CENPU: variants seen among roughly 807,000 people sequenced by gnomAD.
CENPU encodes the protein centromere protein U, also known as KSHV latent nuclear antigen interacting protein 1.
CENPU carries 46 observed loss-of-function variants against 56.7 expected under a neutral mutation model. The observed-to-expected ratio is 0.81, with a 90% CI of 0.64 to 1.04. The LOEUF (loss-of-function observed/expected upper bound fraction) is 1.04, where lower values mean the gene tolerates loss of function less well. Among genes scored for constraint, CENPU ranks in the 50% least tolerant of loss-of-function variants. The pLI, the probability that CENPU is intolerant of heterozygous loss-of-function variation, is 0.00. For missense variants in CENPU, 510 were observed against 490.1 expected, an observed-to-expected ratio of 1.04 and a Z score of -0.38; for synonymous variants, 166 against 163.0, an observed-to-expected ratio of 1.02 and a Z score of -0.14.
At chr4:184,699,473 C>T (rs1760457421) in intron 11 of CENPU, 1 of 837,328 alleles carries the variant, frequency 1.2e-6, no homozygotes, top group Non-Finnish European at 1.7e-6. Flanking sequence ...GCATAGGAAG[C>T]GTTTAGGAAA....
rs765233661 is a variant in CENPU at position 184,712,985 on chromosome 4, T to C, written c.647A>G (p.His216Arg). ...ACTTCTTGATTTCTTCCTTTTGTCA[T>C]GAGATATCTTCCCTTTTTTCTGAGT... ...SKTQKKGKIS[H>R]DKRKKSRSKA... Residue 216 changes from histidine (H) to arginine (R), a missense_variant, in exon 7 of 13, where the codon CAT becomes CGT. Transcript: ENST00000281453. The C allele has an allele frequency of 1.9e-6, 3 of 1,591,620 alleles. No individual in the cohort carries two copies. The South Asian group carries it at 3.4e-5, about 18-fold the overall frequency.
chr4:184,708,017 G>A (rs1319854284), intron 8 of CENPU, among the ~76,000 whole-genome samples: 2 of 152,088 alleles, frequency 1.3e-5, no homozygotes, highest in East Asian at 3.9e-4. Flanking sequence ...GAGATCAGGA[G>A]TTTGAGAGCA....
chr4:184,729,910 T>C (rs1761579828), intron 2 of CENPU, among the ~76,000 whole-genome samples: 1 of 152,114 alleles, frequency 6.6e-6, no homozygotes, highest in South Asian at 2.1e-4. Flanking sequence ...GATACAAAAA[T>C]AAGAAAATTC....
chr4:184,702,440 G>A lies in CENPU; in HGVS notation c.799C>T (p.Gln267Ter). 1 of 1,602,276 alleles carries A rather than the reference G, an allele frequency of 6.2e-7. No individual in the cohort carries two copies. Among genetic ancestry groups the A allele is most frequent in the Non-Finnish European group, 8.5e-7 (1 of 1,175,956 alleles). Residue 267 changes from glutamine (Q) to a stop codon, truncating the protein, a stop_gained and splice_region_variant, in exon 9 of 13, where the codon CAA becomes TAA. Transcript: ENST00000281453. LOFTEE classifies it high-confidence loss of function. ...TTACAAACTTTAGATTCTATTCTTTGTCTGTAGAGGAATTAAAAAAAAGTC... is the reference window on the plus strand; with the variant it reads ...TTACAAACTTTAGATTCTATTCTTTATCTGTAGAGGAATTAAAAAAAAGTC... ...EFEKTHLEHQ[Q>*]RIESKVCKAA...
intron 11 of CENPU, chr4:184,698,206 A>G (rs10022840): frequency 0.063 from 9,832 of 155,288 alleles, 1,011 homozygotes; most frequent in African/African-American, 0.22. Flanking sequence ...CTCTTATCAA[A>G]TCTTGTCCAC....
In CENPU at chr4:184,697,413, G is replaced by GA. The variant is rs754746566; in HGVS notation, c.1143+233dup. ...CTTGATGAAATTCAGCTGTCCGAGT[G>GA]AAAATACCTTACACAATCAGCAATT... On this transcript the variant is annotated intron_variant, in intron 12 of 12. Transcript: ENST00000281453. Among the ~76,000 whole-genome samples the GA allele has an allele frequency of 2.0e-4, 30 of 148,292 alleles. 1 individual carries two copies. The highest frequency in any genetic ancestry group is 6.4e-4 in the South Asian group (3 of 4,706).
Position 184,694,576 on chromosome 4 carries a change from A to T in CENPU, c.*712T>A. 1 of 1,614,148 alleles carries T rather than the reference A, an allele frequency of 6.2e-7. No individual in the cohort carries two copies. Among genetic ancestry groups the T allele is most frequent in the East Asian group, 2.2e-5 (1 of 44,886 alleles). On this transcript the variant is annotated 3_prime_UTR_variant, in exon 13 of 13. Transcript: ENST00000281453. ...TGAAACTAGGAGCAATGAAACCCAG[A>T]ATCCTCATAAACCATCACCTAGCAG...
At position 184,697,726 on chromosome 4, in the gene CENPU, G is replaced by A; in HGVS notation, c.1064C>T (p.Ala355Val). 1 of 1,611,392 alleles carries A rather than the reference G, an allele frequency of 6.2e-7. No individual in the cohort carries two copies. The highest frequency in any genetic ancestry group is 8.5e-7 in the Non-Finnish European group (1 of 1,177,896). Residue 355 changes from alanine (A) to valine (V), a missense_variant, in exon 12 of 13, where the codon GCA (alanine) becomes GTA (valine). Transcript: ENST00000281453. ...CTGTTTTAAATTAGATAAGAAATAT[G>A]CTGCATTCCTAAGGGAAGACTTTCT... ...KERKSSLRNA[A>V]YFLSNLKQLY...
intron 6 of CENPU, among the ~76,000 whole-genome samples, chr4:184,715,050 A>C (rs955672637): frequency 6.6e-6 from 1 of 152,206 alleles, no homozygotes; most frequent in Non-Finnish European, 1.5e-5. Flanking sequence ...GTGTAAAGAC[A>C]GGAAATAAAA....
At chr4:184,727,316 T>C (rs1408017677) in intron 3 of CENPU, among the ~76,000 whole-genome samples, 1 of 152,078 alleles carries the variant, frequency 6.6e-6, no homozygotes, top group Non-Finnish European at 1.5e-5. Flanking sequence ...GGTGGAGCAT[T>C]TCAGTTAGGA....
chr4:184,706,063 A>C (rs1046888743), intron 8 of CENPU, among the ~76,000 whole-genome samples: 3 of 152,220 alleles, frequency 2.0e-5, no homozygotes, highest in African/African-American at 7.2e-5. Context: ...ACTTAACACT[A>C]TTGACCTGTG....
At chr4:184,731,076 ACCCATATTCCAC>A in intron 1 of CENPU, 108 bp from the exon 2 acceptor site, 22 of 784,426 alleles carry the variant, frequency 2.8e-5, no homozygotes, top group Non-Finnish European at 4.4e-5. Flanking sequence ...AAAAACAAGA[ACCCATATTCCAC>A]AAATTTATTT....
At chr4:184,700,024 A>T (rs1216539615) in intron 11 of CENPU, among the ~76,000 whole-genome samples, 1 of 152,188 alleles carries the variant, frequency 6.6e-6, no homozygotes, top group Non-Finnish European at 1.5e-5. Flanking sequence ...CATTATGCAC[A>T]TTCTTTTCTG....
intron 7 of CENPU, among the ~76,000 whole-genome samples, chr4:184,712,565 T>C (rs1300726935): frequency 6.6e-6 from 1 of 152,204 alleles, no homozygotes; most frequent in East Asian, 1.9e-4. Context: ...TGAACTCCAG[T>C]TAATCATGTG....
chr4:184,726,818 G>A (rs532210529), intron 3 of CENPU, among the ~76,000 whole-genome samples: 39 of 152,268 alleles, frequency 2.6e-4, no homozygotes, highest in Non-Finnish European at 1.9e-4. Context: ...GCTGGGCGCA[G>A]TGGCTCACGT....
chr4:184,729,288 C>G (rs1475835326), intron 2 of CENPU, among the ~76,000 whole-genome samples: 2 of 152,168 alleles, frequency 1.3e-5, no homozygotes, highest in African/African-American at 4.8e-5. Context: ...CAAGCTAACA[C>G]TTTTTGGGGA....
chr4:184,731,077 C>T (rs974872041), intron 1 of CENPU, 109 bp from the exon 2 acceptor site: 2 of 749,948 alleles, frequency 2.7e-6, no homozygotes, highest in East Asian at 3.2e-5. Context: ...AAAACAAGAA[C>T]CCATATTCCA....
At chr4:184,699,474 G>T in intron 11 of CENPU, 1 of 885,886 alleles carries the variant, frequency 1.1e-6, no homozygotes. Context: ...CATAGGAAGC[G>T]TTTAGGAAAG....
In CENPU at chr4:184,694,419, G is replaced by A. The variant is rs1579737171; in HGVS notation, c.*869C>T. The A allele has an allele frequency of 3.1e-6, 4 of 1,293,994 alleles. No homozygotes were observed. In the East Asian group the frequency reaches 9.1e-5, roughly 30 times the overall value. 80.2% of individuals were successfully genotyped at this position (1,293,994 alleles called of 1,614,324 possible). A position where few individuals can be genotyped will look rare whatever the true frequency, so the allele number is the denominator to read the frequency against. On this transcript the variant is annotated 3_prime_UTR_variant, in exon 13 of 13. Transcript: ENST00000281453. Reference sequence around the variant, plus strand: ...CTCCTGCATATTCACTTTAGTATCTGTCACTTAATACCTTACTTCAACATA... The same window carrying A: ...CTCCTGCATATTCACTTTAGTATCTATCACTTAATACCTTACTTCAACATA...
Sources: gnomAD v4.1 joint callset for allele counts (sites outside exome capture counted in the v4.1 genomes callset) on GRCh38, gnomAD v4.1.1 for gene constraint, MANE v1.5 for transcripts, NCBI Gene and HGNC (gene_info 2026-07-23, HGNC 2026-07-21) for gene names.